CMSS1: variants seen among roughly 807,000 people sequenced by gnomAD.
CMSS1 encodes protein CMSS1.
Under a neutral mutation model 43.5 loss-of-function variants are expected in CMSS1, and 33 were observed. The ratio of observed to expected loss-of-function variants is 0.76; its 90% CI spans 0.57 to 1.01. The LOEUF (loss-of-function observed/expected upper bound fraction) is 1.01. Among genes scored for constraint, CMSS1 ranks in the 50% least tolerant of loss-of-function variants. CMSS1 has a pLI of 0.00. For missense variants in CMSS1, 313 were observed against 326.4 expected (o/e 0.96, Z 0.32); for synonymous variants, 115 against 117.2 (o/e 0.98, Z 0.12).
At chr3:99,908,225 T>C (rs1253746391) in intron 1 of CMSS1, among the ~76,000 whole-genome samples, 2 of 152,192 alleles carry the variant, frequency 1.3e-5, no homozygotes, top group African/African-American at 4.8e-5. Context: ...CATTACCTAA[T>C]TTGACCTTTT....
At chr3:99,948,637 A>C (rs1232972276) in intron 1 of CMSS1, among the ~76,000 whole-genome samples, 7 of 143,378 alleles carry the variant, frequency 4.9e-5, no homozygotes, top group African/African-American at 1.8e-4. Flanking sequence ...AAGGAGGAGG[A>C]GGAGGGAGAA....
At chr3:99,933,760 T>G (rs906210346) in intron 1 of CMSS1, among the ~76,000 whole-genome samples, 1 of 152,226 alleles carries the variant, frequency 6.6e-6, no homozygotes, top group African/African-American at 2.4e-5. Context: ...TAAGACAATT[T>G]TATTCTTCAT....
At chr3:99,844,696 G>T (rs556987091) in intron 1 of CMSS1, among the ~76,000 whole-genome samples, 8 of 152,092 alleles carry the variant, frequency 5.3e-5, no homozygotes, top group African/African-American at 1.9e-4. Context: ...TCCTTTATGG[G>T]TTATGTATGT....
At chr3:99,886,796 C>G (rs897261934) in intron 1 of CMSS1, among the ~76,000 whole-genome samples, 1 of 150,796 alleles carries the variant, frequency 6.6e-6, no homozygotes, top group African/African-American at 2.4e-5. Context: ...CTACTAGAAA[C>G]CAGTATCTAC....
chr3:100,070,821 G>A (rs572602574), intron 1 of CMSS1, among the ~76,000 whole-genome samples: 14 of 152,216 alleles, frequency 9.2e-5, no homozygotes, highest in African/African-American at 2.4e-4. Context: ...AGTAGAGACC[G>A]GGTCTCACCA....
rs906696523 is a variant in CMSS1 at position 99,978,873 on chromosome 3, A to G, written c.64+160830A>G. ...GCACTCCAGCCTGGGCAACAGAGCGAGACTCTTGTTTACAAAAAAAAAAGA... is the reference window on the plus strand; with the variant it reads ...GCACTCCAGCCTGGGCAACAGAGCGGGACTCTTGTTTACAAAAAAAAAAGA... On this transcript the variant is annotated intron_variant, in intron 1 of 9. Coordinates refer to ENST00000421999, the MANE Select transcript of CMSS1 (RefSeq NM_032359.4). Among the ~76,000 whole-genome samples, 66 of 152,014 alleles carry G rather than the reference A, an allele frequency of 4.3e-4. 3 individuals are homozygous for G. Among genetic ancestry groups the G allele is most frequent in the Admixed American group, 3.9e-3 (59 of 15,264 alleles).
intron 1 of CMSS1, among the ~76,000 whole-genome samples, chr3:100,067,005 G>A (rs2065677143): frequency 6.6e-6 from 1 of 152,194 alleles, no homozygotes; most frequent in African/African-American, 2.4e-5. Context: ...CACATATTGA[G>A]TGAGATTCCT....
In CMSS1 at chr3:100,016,778, A is replaced by G. The variant is rs199819992; in HGVS notation, c.65-130195A>G. ...TTTAGATATGTGCAAAGTTGCTATAAACTTATAAAGCAGACATTTCCTTTA... is the reference window on the plus strand; with the variant it reads ...TTTAGATATGTGCAAAGTTGCTATAGACTTATAAAGCAGACATTTCCTTTA... On this transcript the variant is annotated intron_variant, in intron 1 of 9. Transcript: ENST00000421999. 3.3e-5 allele frequency among the ~76,000 whole-genome samples: 5 copies of G among 152,184 alleles called. No homozygotes were observed. In the East Asian group the frequency reaches 7.7e-4, roughly 23 times the overall value.
intron 9 of CMSS1, among the ~76,000 whole-genome samples, chr3:100,177,261 A>G (rs570871275): frequency 3.7e-4 from 56 of 152,212 alleles, no homozygotes; most frequent in Non-Finnish European, 7.5e-4. Context: ...GTTAAAAAAC[A>G]ATTTGCTCAG....
At chr3:100,065,987 G>A (rs912058656) in intron 1 of CMSS1, among the ~76,000 whole-genome samples, 3 of 152,144 alleles carry the variant, frequency 2.0e-5, no homozygotes, top group Admixed American at 6.5e-5. Context: ...CTGGGAATGC[G>A]ACCCAGCAAT....
intron 1 of CMSS1, among the ~76,000 whole-genome samples, chr3:99,926,766 A>T (rs1294977040): frequency 6.6e-6 from 1 of 152,222 alleles, no homozygotes; most frequent in African/African-American, 2.4e-5. Context: ...AACCAAAGAG[A>T]GAAAATAGAA....
chr3:100,108,176 G>A (rs994276417), intron 1 of CMSS1, among the ~76,000 whole-genome samples: 4 of 151,998 alleles, frequency 2.6e-5, no homozygotes, highest in Non-Finnish European at 5.9e-5. Flanking sequence ...TTCTTAATTC[G>A]GTCCAGGGAA....
intron 1 of CMSS1, among the ~76,000 whole-genome samples, chr3:100,024,659 G>A (rs946650605): frequency 3.3e-5 from 5 of 152,232 alleles, no homozygotes; most frequent in African/African-American, 1.2e-4. Flanking sequence ...TGGAAGAAAT[G>A]CATGGGATAT....
chr3:99,914,518 T>C (rs1437330149), intron 1 of CMSS1, among the ~76,000 whole-genome samples: 2 of 152,242 alleles, frequency 1.3e-5, no homozygotes. Flanking sequence ...ATTCACTTTA[T>C]ACTCTTTACA....
intron 1 of CMSS1, chr3:99,876,138 C>A (rs1393918954): frequency 2.0e-6 from 2 of 986,070 alleles, no homozygotes; most frequent in East Asian, 1.1e-4. Flanking sequence ...CGCTGCGAGC[C>A]GACTGTGCGC....
intron 1 of CMSS1, among the ~76,000 whole-genome samples, chr3:100,063,412 A>G (rs1216859422): frequency 6.6e-6 from 1 of 152,140 alleles, no homozygotes; most frequent in Non-Finnish European, 1.5e-5. Context: ...TGGTGTAATT[A>G]TTATTATAGT....
intron 1 of CMSS1, among the ~76,000 whole-genome samples, chr3:99,854,299 T>C (rs1162458696): frequency 6.6e-6 from 1 of 152,192 alleles, no homozygotes; most frequent in Non-Finnish European, 1.5e-5. Flanking sequence ...GGATTTAGCA[T>C]TGATACTTGC....
intron 1 of CMSS1, among the ~76,000 whole-genome samples, chr3:100,055,225 C>A (rs572925650): frequency 6.6e-6 from 1 of 152,286 alleles, no homozygotes; most frequent in Admixed American, 6.5e-5. Flanking sequence ...ATTTCCAGTA[C>A]AAGAGTATCA....
chr3:100,009,719 G>T (rs1363986780), intron 1 of CMSS1, among the ~76,000 whole-genome samples: 3 of 152,192 alleles, frequency 2.0e-5, no homozygotes, highest in African/African-American at 7.2e-5. Flanking sequence ...CCTTTTTCTT[G>T]AGTCATAGGA....
Sources: gnomAD v4.1 joint callset for allele counts (sites outside exome capture counted in the v4.1 genomes callset) on GRCh38, gnomAD v4.1.1 for gene constraint, MANE v1.5 for transcripts, NCBI Gene and HGNC (gene_info 2026-07-23, HGNC 2026-07-21) for gene names.